Variants in IGSF11 observed in about 807,000 individuals in gnomAD.
IGSF11 encodes the protein CXADR like 1.
IGSF11 carries 22 observed loss-of-function variants against 41.0 expected under a neutral mutation model. The observed-to-expected ratio is 0.54, with a 90% CI of 0.38 to 0.77. IGSF11 has a LOEUF of 0.77. Among genes scored for constraint, IGSF11 ranks in the 30% least tolerant of loss-of-function variants. The pLI, the probability that IGSF11 is intolerant of heterozygous loss-of-function variation, is 0.00. For synonymous variants in IGSF11, 219 were observed against 201.3 expected, an observed-to-expected ratio of 1.09 and a Z score of -0.74; for missense variants, 444 against 530.8, an observed-to-expected ratio of 0.84 and a Z score of 1.61.
chr3:118,932,642 G>A (rs1263964015), intron 1 of IGSF11, among the ~76,000 whole-genome samples: 1 of 152,170 alleles, frequency 6.6e-6, no homozygotes, highest in East Asian at 1.9e-4. Context: ...CATGGAGCAG[G>A]CAATGAACAG....
At chr3:118,914,265 A>C (rs1940754646) in intron 4 of IGSF11, among the ~76,000 whole-genome samples, 1 of 152,198 alleles carries the variant, frequency 6.6e-6, no homozygotes, top group South Asian at 2.1e-4. Flanking sequence ...AAGATGGCCG[A>C]ATAGGAACAG....
chr3:119,067,444 T>C (rs1942266856), intron 1 of IGSF11, among the ~76,000 whole-genome samples: 1 of 152,148 alleles, frequency 6.6e-6, no homozygotes, highest in African/African-American at 2.4e-5. Context: ...CATTTTAAAA[T>C]CTAGCAAATA....
chr3:119,047,236 T>C (rs1941396368), intron 1 of IGSF11, among the ~76,000 whole-genome samples: 1 of 151,884 alleles, frequency 6.6e-6, no homozygotes. Flanking sequence ...ATCAGTGTGC[T>C]GTATTCAGGA....
chr3:118,982,697 A>G (rs569650560), intron 1 of IGSF11, among the ~76,000 whole-genome samples: 7 of 152,250 alleles, frequency 4.6e-5, no homozygotes, highest in African/African-American at 1.4e-4. Context: ...GGATATCTTA[A>G]TGAATACCTT....
At chr3:119,103,915 C>A (rs2076978464) in intron 1 of IGSF11, among the ~76,000 whole-genome samples, 1 of 152,180 alleles carries the variant, frequency 6.6e-6, no homozygotes, top group African/African-American at 2.4e-5. Context: ...CAATACTCCT[C>A]TTCACCCATA....
intron 1 of IGSF11, among the ~76,000 whole-genome samples, chr3:118,966,359 T>C (rs1035471383): frequency 6.6e-6 from 1 of 152,216 alleles, no homozygotes; most frequent in African/African-American, 2.4e-5. Context: ...ATGGCTCTTT[T>C]GTGGCAGAAC....
At chr3:118,955,213 T>A (rs1559955379) in intron 1 of IGSF11, among the ~76,000 whole-genome samples, 1 of 143,402 alleles carries the variant, frequency 7.0e-6, no homozygotes, top group Non-Finnish European at 1.5e-5. Flanking sequence ...TGTATGTATA[T>A]GTACATACAC....
intron 1 of IGSF11, among the ~76,000 whole-genome samples, chr3:119,049,543 G>C (rs914161348): frequency 6.6e-6 from 1 of 151,762 alleles, no homozygotes; most frequent in Non-Finnish European, 1.5e-5. Flanking sequence ...TGGGTAGGAA[G>C]AATCAATATC....
intron 1 of IGSF11, among the ~76,000 whole-genome samples, chr3:119,120,729 G>T (rs1363550322): frequency 6.6e-6 from 1 of 152,192 alleles, no homozygotes; most frequent in African/African-American, 2.4e-5. Context: ...CCTGAAGGTT[G>T]CCATGACACC....
At chr3:118,961,329 T>G (rs1022331415) in intron 1 of IGSF11, among the ~76,000 whole-genome samples, 1 of 152,208 alleles carries the variant, frequency 6.6e-6, no homozygotes, top group South Asian at 2.1e-4. Flanking sequence ...GCTCCAAAAC[T>G]AGGCTTCTGC....
In IGSF11 at chr3:119,089,899, C is replaced by A. The variant is rs148847531; in HGVS notation, c.49+15245G>T. ...AATTAGCCAGACTGGGTGGCACTTG[C>A]CTGTAGTCCCAGCTACTCAGGAGGC... On this transcript the variant is annotated intron_variant, in intron 1 of 6. Coordinates refer to the IGSF11 transcript ENST00000354673. Among the ~76,000 whole-genome samples the A allele has an allele frequency of 5.3e-4, 80 of 152,248 alleles. 3 individuals are homozygous for A. The South Asian group carries it at 0.015, about 28-fold the overall frequency.
intron 1 of IGSF11, among the ~76,000 whole-genome samples, chr3:118,984,867 G>T (rs1375979634): frequency 6.6e-6 from 1 of 152,140 alleles, no homozygotes; most frequent in Admixed American, 6.5e-5. Flanking sequence ...AAAACTGACT[G>T]AAAGCTGCCA....
At chr3:119,090,604 T>C (rs2076747309) in intron 1 of IGSF11, among the ~76,000 whole-genome samples, 2 of 152,158 alleles carry the variant, frequency 1.3e-5, no homozygotes, top group Non-Finnish European at 2.9e-5. Context: ...ATCTAATCTT[T>C]GACAAGGTCG....
chr3:119,034,369 T>A (rs1405729481), intron 1 of IGSF11, among the ~76,000 whole-genome samples, 162 bp downstream of exon 1: 2 of 152,082 alleles, frequency 1.3e-5, no homozygotes, highest in Non-Finnish European at 1.5e-5. Context: ...CCGCTGCAGG[T>A]GCGCGCGAGC....
intron 1 of IGSF11, among the ~76,000 whole-genome samples, chr3:119,023,849 G>T (rs992055536): frequency 1.3e-5 from 2 of 152,160 alleles, no homozygotes; most frequent in Non-Finnish European, 2.9e-5. Context: ...AATTATTTTT[G>T]TGTTCATGGT....
intron 1 of IGSF11, among the ~76,000 whole-genome samples, chr3:119,004,025 T>C (rs1368000987): frequency 1.3e-5 from 2 of 152,088 alleles, no homozygotes; most frequent in Non-Finnish European, 2.9e-5. Flanking sequence ...TTGGAATAGG[T>C]TCAGAAGGAA....
At chr3:119,127,183 T>C (rs1005088670) in intron 1 of IGSF11, among the ~76,000 whole-genome samples, 1 of 152,010 alleles carries the variant, frequency 6.6e-6, no homozygotes, top group Admixed American at 6.6e-5. Context: ...GAGAGGAACA[T>C]AAATGACCTG....
At chr3:119,001,065 A>T (rs1936776694) in intron 1 of IGSF11, among the ~76,000 whole-genome samples, 1 of 151,956 alleles carries the variant, frequency 6.6e-6, no homozygotes, top group African/African-American at 2.4e-5. Context: ...CCACCTCAGG[A>T]CCTTTGTACT....
chr3:119,047,694 A>AT (rs1163416700), intron 1 of IGSF11, among the ~76,000 whole-genome samples: 3 of 152,058 alleles, frequency 2.0e-5, no homozygotes, highest in Non-Finnish European at 2.9e-5. Flanking sequence ...CAGAATATAC[A>AT]TTTTTTTCAG....
Sources: allele counts gnomAD v4.1 joint callset (sites outside exome capture counted in the v4.1 genomes callset), GRCh38; gene constraint gnomAD v4.1.1; transcripts MANE v1.5; gene names NCBI Gene and HGNC (gene_info 2026-07-23, HGNC 2026-07-21).